SHISA6: variants seen among roughly 807,000 people sequenced by gnomAD.
The protein encoded by SHISA6 is shisa family member 6, also known as protein shisa-6.
Under a neutral mutation model 47.9 loss-of-function variants are expected in SHISA6, and 22 were observed. The ratio of observed to expected loss-of-function variants is 0.46; its 90% CI spans 0.33 to 0.66. The LOEUF is 0.66. SHISA6 is among the 30% of genes least tolerant of loss of function. The pLI is 0.02. For synonymous variants in SHISA6, 388 were observed against 337.8 expected (o/e 1.15, Z -1.63); for missense variants, 680 against 764.6 (o/e 0.89, Z 1.30).
chr17:11,341,465 G>A (rs1911527618), intron 2 of SHISA6, among the ~76,000 whole-genome samples: 1 of 150,968 alleles, frequency 6.6e-6, no homozygotes, highest in African/African-American at 2.4e-5. Flanking sequence ...CTCCTGAGTT[G>A]GTGGGATTAC....
chr17:11,333,199 T>G (rs1911191814), intron 2 of SHISA6, among the ~76,000 whole-genome samples: 1 of 152,192 alleles, frequency 6.6e-6, no homozygotes, highest in Admixed American at 6.5e-5. Flanking sequence ...TGGGTTTCTC[T>G]GGTCCATGTG....
intron 2 of SHISA6, among the ~76,000 whole-genome samples, chr17:11,323,669 A>AAATAATAATAATAATAAT (rs60694925): frequency 5.3e-5 from 7 of 132,034 alleles, no homozygotes; most frequent in African/African-American, 1.8e-4. Context: ...TAAATAAATA[A>AAATAATAATAATAATAAT]AATAATAATA....
At chr17:11,255,217 T>G (rs557832734) in intron 1 of SHISA6, among the ~76,000 whole-genome samples, 52 of 152,336 alleles carry the variant, frequency 3.4e-4, no homozygotes, top group African/African-American at 1.1e-3. Flanking sequence ...GAAATTAAAG[T>G]GGTCTTTTTT....
intron 5 of SHISA6, among the ~76,000 whole-genome samples, chr17:11,557,010 G>A (rs2071987095): frequency 6.6e-6 from 1 of 152,154 alleles, no homozygotes; most frequent in South Asian, 2.1e-4. Flanking sequence ...AGAGAGAAAG[G>A]TGGAGCATCT....
At chr17:11,394,998 CTTTTTTT>C (rs772109588) in intron 3 of SHISA6, among the ~76,000 whole-genome samples, 2 of 95,102 alleles carry the variant, frequency 2.1e-5, no homozygotes, top group Non-Finnish European at 4.2e-5. Flanking sequence ...TTTTTCTTTT[CTTTTTTT>C]TTTTTTTTTT....
At chr17:11,455,238 C>G (rs112285098) in intron 3 of SHISA6, among the ~76,000 whole-genome samples, 1 of 152,184 alleles carries the variant, frequency 6.6e-6, no homozygotes, top group African/African-American at 2.4e-5. Context: ...CAATGTCATC[C>G]TGTACTCCTT....
At chr17:11,301,089 G>A (rs1909910532) in intron 2 of SHISA6, among the ~76,000 whole-genome samples, 3 of 152,150 alleles carry the variant, frequency 2.0e-5, no homozygotes, top group South Asian at 4.1e-4. Context: ...CAGCTTCACT[G>A]TGGGCCTTCC....
intron 3 of SHISA6, among the ~76,000 whole-genome samples, chr17:11,540,572 T>C (rs568922431): frequency 6.6e-6 from 1 of 152,220 alleles, no homozygotes; most frequent in Non-Finnish European, 1.5e-5. Flanking sequence ...TACATCCTGC[T>C]AACACTTTTG....
chr17:11,287,519 CTA>C (rs1471285194), intron 2 of SHISA6, among the ~76,000 whole-genome samples: 3 of 149,694 alleles, frequency 2.0e-5, no homozygotes, highest in Non-Finnish European at 4.4e-5. Context: ...GACTCCATCT[CTA>C]TAAATTAGCA....
intron 3 of SHISA6, among the ~76,000 whole-genome samples, chr17:11,530,835 T>C (rs890159179): frequency 1.3e-5 from 2 of 152,340 alleles, no homozygotes; most frequent in South Asian, 4.1e-4. Flanking sequence ...GCGAGGCAGC[T>C]GACCTCTGTA....
intron 3 of SHISA6, among the ~76,000 whole-genome samples, chr17:11,539,878 G>A (rs745348007): frequency 1.3e-5 from 2 of 152,216 alleles, no homozygotes; most frequent in African/African-American, 2.4e-5. Flanking sequence ...AGAAGGAGGA[G>A]GGACTGGTAA....
At chr17:11,446,034 G>A (rs140478413) in intron 3 of SHISA6, among the ~76,000 whole-genome samples, 146 of 152,200 alleles carry the variant, frequency 9.6e-4, no homozygotes, top group African/African-American at 3.4e-3. Flanking sequence ...CACCATATTG[G>A]TCAGGCTGGT....
At chr17:11,336,013 A>C (rs1305292012) in intron 2 of SHISA6, among the ~76,000 whole-genome samples, 1 of 150,858 alleles carries the variant, frequency 6.6e-6, no homozygotes, top group Non-Finnish European at 1.5e-5. Context: ...CCTGGCTAAA[A>C]CATGGTGAAA....
chr17:11,477,237 G>A (rs577328019), intron 3 of SHISA6, among the ~76,000 whole-genome samples: 3 of 152,238 alleles, frequency 2.0e-5, no homozygotes, highest in African/African-American at 7.2e-5. Flanking sequence ...GTTGATTGGT[G>A]CATTTAGACC....
intron 3 of SHISA6, among the ~76,000 whole-genome samples, chr17:11,473,752 G>A (rs1416315785): frequency 1.3e-5 from 2 of 151,166 alleles, no homozygotes; most frequent in Admixed American, 6.6e-5. Flanking sequence ...TCCTTTTTTT[G>A]TATTTTACTT....
intron 3 of SHISA6, among the ~76,000 whole-genome samples, chr17:11,485,915 C>A (rs967452609): frequency 6.6e-6 from 1 of 152,106 alleles, no homozygotes; most frequent in African/African-American, 2.4e-5. Flanking sequence ...TTCTGTCTTG[C>A]GACCATTATG....
intron 2 of SHISA6, among the ~76,000 whole-genome samples, chr17:11,283,998 A>G (rs903480172): frequency 6.6e-6 from 1 of 152,112 alleles, no homozygotes; most frequent in Non-Finnish European, 1.5e-5. Context: ...TTGTTTGGAA[A>G]TTCTTACACT....
chr17:11,511,579 A>C (rs1281484048), intron 3 of SHISA6, among the ~76,000 whole-genome samples: 1 of 151,386 alleles, frequency 6.6e-6, no homozygotes, highest in South Asian at 2.1e-4. Context: ...CCCACCCCCC[A>C]AAAAAATGCC....
chr17:11,362,618 G>A (rs552576391), intron 2 of SHISA6, among the ~76,000 whole-genome samples: 39 of 152,192 alleles, frequency 2.6e-4, no homozygotes, highest in Non-Finnish European at 5.0e-4. Context: ...TATTACTGGC[G>A]GTGTGGTTTT....
Sources: gnomAD v4.1 joint callset for allele counts (sites outside exome capture counted in the v4.1 genomes callset) on GRCh38, gnomAD v4.1.1 for gene constraint, MANE v1.5 for transcripts, NCBI Gene and HGNC (gene_info 2026-07-23, HGNC 2026-07-21) for gene names.